MAF: variants seen among roughly 807,000 people sequenced by gnomAD.
MAF encodes MAF bZIP transcription factor.
A neutral mutation model predicts 22.0 loss-of-function variants in MAF; 10 were observed. That is an observed-to-expected ratio of 0.45 (90% CI 0.28 to 0.77). MAF has a LOEUF of 0.77. Ranked by LOEUF, MAF falls within the 30% of genes least tolerant of loss-of-function variation. MAF has a pLI of 0.12. For missense variants in MAF, 544 were observed against 548.4 expected (o/e 0.99, Z 0.08); for synonymous variants, 337 against 255.8 (o/e 1.32, Z -3.03).
At chr16:79,309,231 T>A in the MAF span, among the ~76,000 whole-genome samples, 658 of 152,310 alleles carry the variant, frequency 4.3e-3, 3 homozygotes, top group African/African-American at 0.015. Flanking sequence ...CCCTGTTAAT[T>A]CGGAGACTGG....
chr16:79,524,184 A>G, the MAF span, among the ~76,000 whole-genome samples: 2 of 152,182 alleles, frequency 1.3e-5, no homozygotes, highest in Admixed American at 1.3e-4. Flanking sequence ...TGTTCGGGTC[A>G]GTTTCAACGG....
At chr16:79,405,335 G>A in the MAF span, among the ~76,000 whole-genome samples, 2 of 152,180 alleles carry the variant, frequency 1.3e-5, no homozygotes, top group Non-Finnish European at 2.9e-5. Context: ...GAAATTCACT[G>A]ACCTGAGCCT....
the MAF span, among the ~76,000 whole-genome samples, chr16:79,539,964 G>T: frequency 2.6e-5 from 4 of 152,052 alleles, no homozygotes; most frequent in African/African-American, 9.7e-5. Context: ...GATGATTTCT[G>T]TAACAAAAAA....
At chr16:79,579,557 C>G in the MAF span, among the ~76,000 whole-genome samples, 3 of 151,448 alleles carry the variant, frequency 2.0e-5, no homozygotes, top group Non-Finnish European at 4.4e-5. Flanking sequence ...CTTGCAATAC[C>G]AAAAGAAAAA....
At chr16:79,240,443 G>C in the MAF span, among the ~76,000 whole-genome samples, 2 of 113,140 alleles carry the variant, frequency 1.8e-5, no homozygotes, top group East Asian at 3.2e-4. Flanking sequence ...TCTCCTACCA[G>C]AATAAAAAAC....
the MAF span, among the ~76,000 whole-genome samples, chr16:79,575,455 T>C: frequency 1.1e-3 from 169 of 152,332 alleles, no homozygotes; most frequent in African/African-American, 3.8e-3. Context: ...TCTTAGCTAC[T>C]GCTGACTGGA....
At chr16:79,368,146 C>T in the MAF span, among the ~76,000 whole-genome samples, 2 of 152,170 alleles carry the variant, frequency 1.3e-5, no homozygotes, top group Non-Finnish European at 2.9e-5. Context: ...GAATGGAGCA[C>T]AGAGATTGCA....
At chr16:79,501,472 T>C in the MAF span, among the ~76,000 whole-genome samples, 1 of 152,222 alleles carries the variant, frequency 6.6e-6, no homozygotes, top group Admixed American at 6.5e-5. Flanking sequence ...AGGTCTTGTC[T>C]GCCTTTCCAT....
chr16:79,600,254 G>C lies in MAF; in HGVS notation c.-352C>G, dbSNP rs2348179. 9.1e-5 allele frequency: 23 copies of C among 253,138 alleles called. No individual in the cohort carries two copies. The highest frequency in any genetic ancestry group is 1.8e-4 in the Non-Finnish European group (23 of 127,170). 15.7% of individuals were successfully genotyped at this position (253,138 alleles called of 1,614,324 possible). A position where few individuals can be genotyped will look rare whatever the true frequency, so the allele number is the denominator to read the frequency against. On this transcript the variant is annotated 5_prime_UTR_variant, in exon 1 of 2. Transcript: ENST00000326043. ...TGGCGGCGGTGGTGGCTGCGGCGGC[G>C]AAGCTGGAGGAGCCCGGCCCGGTGC...
the MAF span, among the ~76,000 whole-genome samples, chr16:79,576,850 G>A: frequency 6.6e-6 from 1 of 152,090 alleles, no homozygotes; most frequent in South Asian, 2.1e-4. Context: ...GCCTTTGAGG[G>A]GCTATTCCTA....
chr16:79,295,271 G>C, the MAF span, among the ~76,000 whole-genome samples: 1 of 152,224 alleles, frequency 6.6e-6, no homozygotes, highest in Non-Finnish European at 1.5e-5. Context: ...CAAATTAAAT[G>C]TAAAGGAGTT....
chr16:79,415,361 A>G, the MAF span, among the ~76,000 whole-genome samples: 1 of 151,090 alleles, frequency 6.6e-6, no homozygotes, highest in African/African-American at 2.4e-5. Flanking sequence ...GCAGGCAGGC[A>G]AGAAGGAGGA....
At chr16:79,274,930 G>A in the MAF span, among the ~76,000 whole-genome samples, 1 of 152,226 alleles carries the variant, frequency 6.6e-6, no homozygotes, top group Admixed American at 6.5e-5. Context: ...GTGATTTTGT[G>A]TATGTTGCCT....
the MAF span, among the ~76,000 whole-genome samples, chr16:79,431,127 G>T: frequency 6.6e-6 from 1 of 152,142 alleles, no homozygotes; most frequent in South Asian, 2.1e-4. Flanking sequence ...TACACAGCTT[G>T]GGGATTCATG....
chr16:79,221,539 T>G, the MAF span, among the ~76,000 whole-genome samples: 1 of 152,214 alleles, frequency 6.6e-6, no homozygotes, highest in African/African-American at 2.4e-5. Flanking sequence ...AAACCACTGT[T>G]TAAAGTATTA....
At chr16:79,213,591 C>A in the MAF span, among the ~76,000 whole-genome samples, 71,228 of 152,054 alleles carry the variant, frequency 0.47, 18,944 homozygotes, top group Non-Finnish European at 0.61. Flanking sequence ...CCTTGTTGAT[C>A]TTTGGAACCC....
chr16:79,297,809 G>A, the MAF span, among the ~76,000 whole-genome samples: 1 of 152,184 alleles, frequency 6.6e-6, no homozygotes, highest in African/African-American at 2.4e-5. Flanking sequence ...GAGAACATGG[G>A]TTCCCCAACC....
chr16:79,359,197 G>C, the MAF span, among the ~76,000 whole-genome samples: 1 of 152,162 alleles, frequency 6.6e-6, no homozygotes, highest in Admixed American at 6.5e-5. Context: ...TGGAGAATCA[G>C]AAGGCTGTTT....
At position 79,594,306 on chromosome 16, in the gene MAF, T is replaced by G; in HGVS notation, c.*154A>C. On this transcript the variant is annotated 3_prime_UTR_variant, in exon 2 of 2. Transcript: ENST00000326043. ...CTATGAAACCCCCAGACAAGAGGCA[T>G]AGTTAACTACTACATTTAATAGCCT... 1 of 736,026 alleles carries G rather than the reference T, an allele frequency of 1.4e-6. No individual in the cohort carries two copies. Among genetic ancestry groups the G allele is most frequent in the South Asian group, 1.6e-5 (1 of 61,132 alleles). 45.6% of individuals were successfully genotyped at this position (736,026 alleles called of 1,614,324 possible).
Sources: allele counts gnomAD v4.1 joint callset (sites outside exome capture counted in the v4.1 genomes callset), GRCh38; gene constraint gnomAD v4.1.1; transcripts MANE v1.5; gene names NCBI Gene and HGNC (gene_info 2026-07-23, HGNC 2026-07-21).